CTPS1: variants seen among roughly 807,000 people sequenced by gnomAD.
The protein encoded by CTPS1 is CTP synthetase 1.
CTPS1 carries 25 observed loss-of-function variants against 80.5 expected under a neutral mutation model. The observed-to-expected ratio is 0.31, with a 90% CI of 0.23 to 0.43. CTPS1 has a LOEUF of 0.43. Ranked by LOEUF, CTPS1 falls within the 20% of genes least tolerant of loss-of-function variation. CTPS1 has a pLI of 1.00. For synonymous variants in CTPS1, 267 were observed against 252.5 expected, an observed-to-expected ratio of 1.06 and a Z score of -0.54; for missense variants, 442 against 725.7, an observed-to-expected ratio of 0.61 and a Z score of 4.49.
intron 5 of CTPS1, 71 bp from the exon 6 acceptor site, chr1:40,991,094 G>C (rs1642597457): frequency 8.9e-7 from 1 of 1,124,244 alleles, no homozygotes; most frequent in Non-Finnish European, 1.3e-6. Context: ...AGAGGTTCAA[G>C]GAAAAGTCAT....
chr1:41,006,786 C>T lies in CTPS1; in HGVS notation c.1297-663C>T, dbSNP rs557355340. Among the ~76,000 whole-genome samples, 43 of 152,304 alleles carry T rather than the reference C, an allele frequency of 2.8e-4. No homozygotes were observed. The South Asian group carries it at 8.1e-3, about 29-fold the overall frequency. ...GGACTGCCCTTGTCACTGAGGACAC[C>T]GTGCTAAATGAGACGGACAAAGTTC... On this transcript the variant is annotated intron_variant, in intron 13 of 18. Coordinates refer to ENST00000650070, the MANE Select transcript of CTPS1 (RefSeq NM_001905.4).
intron 9 of CTPS1, among the ~76,000 whole-genome samples, chr1:41,000,425 G>A (rs989133557): frequency 8.8e-6 from 1 of 113,676 alleles, no homozygotes; most frequent in African/African-American, 3.2e-5. Context: ...TTTTTTTTTT[G>A]TATTTTTAGT....
At chr1:40,995,427 T>C (rs1484768416) in intron 7 of CTPS1, among the ~76,000 whole-genome samples, 1 of 148,950 alleles carries the variant, frequency 6.7e-6, no homozygotes, top group Non-Finnish European at 1.5e-5. Context: ...AGAGTCTCAC[T>C]CTGTCACCCA....
chr1:41,011,778 G>T lies in CTPS1; in HGVS notation c.*130G>T, dbSNP rs893948962. ...TAAGATTATTTTATTATGCGGAAAG[G>T]TATTTGGGAAACTTGTCACTTGCAT... On this transcript the variant is annotated 3_prime_UTR_variant, in exon 19 of 19. Coordinates refer to ENST00000650070, the MANE Select transcript of CTPS1 (RefSeq NM_001905.4). 5 of 152,082 alleles carry T rather than the reference G, an allele frequency of 3.3e-5. No individual in the cohort carries two copies. Among genetic ancestry groups the T allele is most frequent in the Non-Finnish European group, 7.3e-5 (5 of 68,044 alleles). The allele number at this position is 152,082 out of a possible 1,614,324, so 9.4% of individuals were successfully genotyped here.
chr1:40,990,686 A>G (rs1049399305), intron 5 of CTPS1, among the ~76,000 whole-genome samples: 1 of 152,200 alleles, frequency 6.6e-6, no homozygotes, highest in Non-Finnish European at 1.5e-5. Context: ...TGTAACGTGT[A>G]TCTGTTAAGT....
rs1300282523 is a variant in CTPS1 at position 41,012,099 on chromosome 1, AT to A, written c.*453del. 2.6e-5 allele frequency: 4 copies of A among 152,196 alleles called. No individual in the cohort carries two copies. The highest frequency in any genetic ancestry group is 9.7e-5 in the African/African-American group (4 of 41,436). The allele number at this position is 152,196 out of a possible 1,614,324, so 9.4% of individuals were successfully genotyped here. ...CACTTGGTGCTGGGAACCTCAGGGT[AT>A]TGCTTGCCACTAAGCCATGAAACCA... is the stretch of plus-strand genomic sequence containing the variant. On this transcript the variant is annotated 3_prime_UTR_variant, in exon 19 of 19. Coordinates refer to ENST00000650070, the MANE Select transcript of CTPS1 (RefSeq NM_001905.4).
intron 12 of CTPS1, among the ~76,000 whole-genome samples, chr1:41,005,826 C>A (rs1160930334): frequency 6.6e-6 from 1 of 151,960 alleles, no homozygotes; most frequent in Non-Finnish European, 1.5e-5. Context: ...ATTGCTTGAA[C>A]CTGGGAGTTC....
intron 4 of CTPS1, chr1:40,988,390 A>G (rs1642513415): frequency 4.2e-6 from 2 of 474,424 alleles, no homozygotes; most frequent in East Asian, 6.5e-5. Flanking sequence ...ACCTTTGGGA[A>G]GGATGAGCCT....
At chr1:40,992,682 A>ATTTTTTT (rs67623913) in intron 7 of CTPS1, among the ~76,000 whole-genome samples, 1 of 127,928 alleles carries the variant, frequency 7.8e-6, no homozygotes. Context: ...AAATTGTTCA[A>ATTTTTTT]TTTTTTTTTT....
chr1:41,001,083 T>C lies in CTPS1; in HGVS notation c.1060T>C (p.Tyr354His), dbSNP rs1642892689. ...PITSQEEPVR[Y>H]HEAWQKLCSA... ...CACCTCGCAAGAAGAGCCCGTGCGC[T>C]ACCACGAAGCTTGGCAGAAGCTCTG... The change falls in exon 10 of 19, where the codon TAC becomes CAC. Residue 354 changes from tyrosine (Y) to histidine (H), a missense_variant. Transcript: ENST00000650070. 5 of 1,612,430 alleles carry C rather than the reference T, an allele frequency of 3.1e-6. No individual in the cohort carries two copies. The highest frequency in any genetic ancestry group is 1.3e-5 in the African/African-American group (1 of 74,858).
At chr1:40,996,662 C>A (rs1250539682) in intron 8 of CTPS1, among the ~76,000 whole-genome samples, 1 of 152,232 alleles carries the variant, frequency 6.6e-6, no homozygotes, top group Non-Finnish European at 1.5e-5. Flanking sequence ...AGAGGGCATA[C>A]TCATTCCGTT....
rs199698118 is a variant in CTPS1, at chr1:41,010,254, C to T, written c.*9C>T. On this transcript the variant is annotated splice_region_variant and 3_prime_UTR_variant, in exon 18 of 19. Coordinates refer to ENST00000650070, the MANE Select transcript of CTPS1 (RefSeq NM_001905.4). ...CAATAAATCATGACTGATCTTGTAGCGTAAGTGGTACTTTAAAGTTTTAGT... is the reference window on the plus strand; with the variant it reads ...CAATAAATCATGACTGATCTTGTAGTGTAAGTGGTACTTTAAAGTTTTAGT... 64 of 1,598,760 alleles carry T rather than the reference C, an allele frequency of 4.0e-5. No homozygotes were observed. The highest frequency in any genetic ancestry group is 2.9e-4 in the East Asian group (13 of 44,820).
chr1:41,010,073 T>C (rs1321431968), intron 17 of CTPS1, 88 bp from the exon 18 acceptor site: 2 of 783,844 alleles, frequency 2.6e-6, no homozygotes, highest in African/African-American at 1.7e-5. Flanking sequence ...TGCAGGCAAG[T>C]GTCCCTGTAG....
chr1:41,003,451 T>C (rs1377383186), intron 12 of CTPS1, among the ~76,000 whole-genome samples: 1 of 152,194 alleles, frequency 6.6e-6, no homozygotes, highest in Non-Finnish European at 1.5e-5. Flanking sequence ...GTGGCCACCA[T>C]CCTGAAGCTG....
intron 2 of CTPS1, among the ~76,000 whole-genome samples, chr1:40,984,337 G>T (rs1185027084): frequency 6.6e-6 from 1 of 152,224 alleles, no homozygotes; most frequent in East Asian, 1.9e-4. Context: ...GTAAATATGT[G>T]CAGTTTCACA....
chr1:40,994,457 A>G (rs67450703), intron 7 of CTPS1, among the ~76,000 whole-genome samples: 16,466 of 152,182 alleles, frequency 0.11, 1,270 homozygotes, highest in East Asian at 0.27. Flanking sequence ...TTTTATTACT[A>G]CCGTGTATTT....
At chr1:40,993,160 C>T (rs1431369726) in intron 7 of CTPS1, among the ~76,000 whole-genome samples, 1 of 152,088 alleles carries the variant, frequency 6.6e-6, no homozygotes, top group East Asian at 1.9e-4. Flanking sequence ...AAGTGATTCT[C>T]CTGCCTCAGC....
chr1:40,981,167 A>G (rs1651875297), intron 1 of CTPS1: 1 of 152,196 alleles, frequency 6.6e-6, no homozygotes, highest in Non-Finnish European at 1.5e-5. Flanking sequence ...GGACTGCCAG[A>G]AAGTTGAGAT....
At chr1:40,987,824 A>G (rs1411244290) in intron 4 of CTPS1, among the ~76,000 whole-genome samples, 1 of 152,178 alleles carries the variant, frequency 6.6e-6, no homozygotes, top group Non-Finnish European at 1.5e-5. Context: ...TGGTTTCAGT[A>G]TCTGTACTCC....
Sources: gnomAD v4.1 joint callset for allele counts (sites outside exome capture counted in the v4.1 genomes callset) on GRCh38, gnomAD v4.1.1 for gene constraint, MANE v1.5 for transcripts, NCBI Gene and HGNC (gene_info 2026-07-23, HGNC 2026-07-21) for gene names.